Variants in FGF14 observed in about 807,000 individuals in gnomAD.
FGF14 encodes fibroblast growth factor homologous factor 4.
A neutral mutation model predicts 25.5 loss-of-function variants in FGF14; 5 were observed. That is an observed-to-expected ratio of 0.20 (90% CI 0.10 to 0.41). The LOEUF is 0.41. FGF14 is among the 10% of genes least tolerant of loss of function. The pLI is 1.00. For synonymous variants in FGF14, 138 were observed against 118.3 expected, an observed-to-expected ratio of 1.17 and a Z score of -1.08; for missense variants, 222 against 320.1, an observed-to-expected ratio of 0.69 and a Z score of 2.34.
At chr13:102,331,379 C>A (rs1244649433) in intron 1 of FGF14, among the ~76,000 whole-genome samples, 1 of 152,144 alleles carries the variant, frequency 6.6e-6, no homozygotes, top group Non-Finnish European at 1.5e-5. Flanking sequence ...AAATGCTGTT[C>A]TACTCCATCA....
chr13:102,125,282 A>T (rs1367455120), intron 1 of FGF14, among the ~76,000 whole-genome samples: 1 of 152,172 alleles, frequency 6.6e-6, no homozygotes, highest in Non-Finnish European at 1.5e-5. Flanking sequence ...GCTTTTATTG[A>T]ATTTTCTTAT....
intron 1 of FGF14, among the ~76,000 whole-genome samples, chr13:102,107,917 G>A (rs1386590325): frequency 6.6e-6 from 1 of 152,162 alleles, no homozygotes; most frequent in Non-Finnish European, 1.5e-5. Context: ...AGTACGTTAT[G>A]TAGTTTTCAC....
chr13:102,117,288 C>G (rs1409712035), intron 1 of FGF14, among the ~76,000 whole-genome samples: 1 of 151,968 alleles, frequency 6.6e-6, no homozygotes, highest in Admixed American at 6.5e-5. Context: ...CATCCTCCCA[C>G]CTCACATAGC....
intron 2 of FGF14, among the ~76,000 whole-genome samples, chr13:101,870,493 G>C (rs888343345): frequency 6.6e-6 from 1 of 151,934 alleles, no homozygotes; most frequent in Non-Finnish European, 1.5e-5. Flanking sequence ...ATATTTGTAG[G>C]TGCCACATAT....
At chr13:102,101,676 G>A (rs1326025021) in intron 1 of FGF14, among the ~76,000 whole-genome samples, 1 of 151,890 alleles carries the variant, frequency 6.6e-6, no homozygotes, top group Non-Finnish European at 1.5e-5. Flanking sequence ...GAGTACTAAT[G>A]AATGCTCAAC....
chr13:101,794,805 G>C (rs931956823), intron 3 of FGF14, among the ~76,000 whole-genome samples: 5 of 152,150 alleles, frequency 3.3e-5, no homozygotes, highest in African/African-American at 1.2e-4. Context: ...GTCTTTATTA[G>C]GGGAAGTTTA....
At chr13:102,288,766 G>A (rs2054233851) in intron 1 of FGF14, among the ~76,000 whole-genome samples, 1 of 151,958 alleles carries the variant, frequency 6.6e-6, no homozygotes, top group Non-Finnish European at 1.5e-5. Flanking sequence ...TATATTTTTA[G>A]TAGAGATGGG....
At chr13:101,742,962 A>T (rs138113215) in intron 3 of FGF14, among the ~76,000 whole-genome samples, 12 of 152,308 alleles carry the variant, frequency 7.9e-5, no homozygotes, top group Non-Finnish European at 1.5e-4. Context: ...TAAATTGTGC[A>T]TTCACTGAAA....
At chr13:101,821,357 TTGTG>T (rs753182836) in intron 3 of FGF14, among the ~76,000 whole-genome samples, 1 of 152,228 alleles carries the variant, frequency 6.6e-6, no homozygotes, top group Non-Finnish European at 1.5e-5. Context: ...ATCTGAGTTC[TTGTG>T]TGTATCAATA....
intron 1 of FGF14, among the ~76,000 whole-genome samples, chr13:102,300,920 GACACACACACACACACATACAC>G (rs2055008124): frequency 1.2e-5 from 1 of 85,908 alleles, no homozygotes; most frequent in Non-Finnish European, 2.3e-5. Context: ...TATGCACACA[GACACACACACACACACATACAC>G]ACACACACAC....
chr13:101,758,474 G>T (rs1356388780), intron 3 of FGF14, among the ~76,000 whole-genome samples: 2 of 152,218 alleles, frequency 1.3e-5, no homozygotes, highest in Admixed American at 1.3e-4. Flanking sequence ...TTCCTTCAGT[G>T]TGAGTATGAT....
At chr13:101,884,688 A>G (rs1025002368) in intron 1 of FGF14, among the ~76,000 whole-genome samples, 1 of 152,172 alleles carries the variant, frequency 6.6e-6, no homozygotes, top group African/African-American at 2.4e-5. Context: ...AAAGTGTTCA[A>G]GCAGTTGGAT....
upstream of FGF14, among the ~76,000 whole-genome samples, chr13:101,917,393 G>A (rs1425880590): frequency 6.6e-6 from 1 of 151,652 alleles, no homozygotes; most frequent in Admixed American, 6.6e-5. Context: ...AAGAAAGAAA[G>A]CTAAGATGGA....
chr13:102,035,838 G>C (rs771337701), intron 1 of FGF14, among the ~76,000 whole-genome samples: 4 of 152,080 alleles, frequency 2.6e-5, no homozygotes, highest in Non-Finnish European at 4.4e-5. Flanking sequence ...TAGCTCTAAA[G>C]TGCTGTGTTG....
chr13:102,006,525 A>T (rs2039795538), intron 1 of FGF14, among the ~76,000 whole-genome samples: 1 of 151,188 alleles, frequency 6.6e-6, no homozygotes, highest in South Asian at 2.1e-4. Flanking sequence ...ACCACAAAAT[A>T]TCATAGAAGT....
At chr13:102,363,845 G>A (rs866276454) in intron 1 of FGF14, among the ~76,000 whole-genome samples, 1 of 152,236 alleles carries the variant, frequency 6.6e-6, no homozygotes, top group Non-Finnish European at 1.5e-5. Flanking sequence ...CATTTAACAG[G>A]GAGGTATTTC....
chr13:102,075,653 C>T (rs762241977), intron 1 of FGF14, among the ~76,000 whole-genome samples: 12 of 152,140 alleles, frequency 7.9e-5, no homozygotes, highest in Admixed American at 4.6e-4. Context: ...AGAGTGTACT[C>T]CTAACTATAA....
intron 1 of FGF14, among the ~76,000 whole-genome samples, chr13:102,383,962 A>G (rs1407374448): frequency 2.6e-5 from 4 of 152,226 alleles, no homozygotes; most frequent in African/African-American, 9.6e-5. Context: ...GTTAAAATGT[A>G]ATATCAGTTC....
intron 1 of FGF14, among the ~76,000 whole-genome samples, chr13:102,176,449 A>C (rs2140717162): frequency 6.6e-6 from 1 of 152,244 alleles, no homozygotes; most frequent in Non-Finnish European, 1.5e-5. Context: ...TTGTAGGGTG[A>C]AAAATTGCCT....
Sources: gnomAD v4.1 joint callset for allele counts (sites outside exome capture counted in the v4.1 genomes callset) on GRCh38, gnomAD v4.1.1 for gene constraint, MANE v1.5 for transcripts, NCBI Gene and HGNC (gene_info 2026-07-23, HGNC 2026-07-21) for gene names.